The following YY1AP1 variants were observed in gnomAD, a reference collection of about 807,000 sequenced individuals.
The protein encoded by YY1AP1 is YY1-associated protein 1.
YY1AP1 carries 43 observed loss-of-function variants against 39.9 expected under a neutral mutation model. The ratio of observed to expected loss-of-function variants is 1.08; its 90% CI spans 0.84 to 1.39. The LOEUF (loss-of-function observed/expected upper bound fraction) is 1.39, where lower values mean the gene tolerates loss of function less well. Among genes scored for constraint, YY1AP1 ranks in the 40% most tolerant of loss-of-function variants. YY1AP1 has a pLI of 0.00. For missense variants in YY1AP1, 813 were observed against 900.7 expected (o/e 0.90, Z 1.25); for synonymous variants, 292 against 331.3 (o/e 0.88, Z 1.29).
intron 9 of YY1AP1, among the ~76,000 whole-genome samples, chr1:155,666,214 C>T (rs1458818735): frequency 3.3e-5 from 5 of 152,052 alleles, no homozygotes; most frequent in South Asian, 2.1e-4. Context: ...CTCCACCTCC[C>T]GGGTTCACAC....
chr1:155,665,107 C>A (rs1269720748), intron 9 of YY1AP1, among the ~76,000 whole-genome samples: 1 of 151,850 alleles, frequency 6.6e-6, no homozygotes, highest in Non-Finnish European at 1.5e-5. Flanking sequence ...CCTTCCCAAG[C>A]ACTCTCCCTC....
chr1:155,675,100 G>T lies in YY1AP1; in HGVS notation c.325-4C>A. 3 of 1,612,754 alleles carry T rather than the reference G, an allele frequency of 1.9e-6. No individual in the cohort carries two copies. The highest frequency in any genetic ancestry group is 2.5e-6 in the Non-Finnish European group (3 of 1,179,170). Reference sequence around the variant, plus strand: ...TTTGTGTCAAGAGCTGAACATGCTGGGGAGAGAAAGAAAATAATGCAGTGA... The same window carrying T: ...TTTGTGTCAAGAGCTGAACATGCTGTGGAGAGAAAGAAAATAATGCAGTGA... On this transcript the variant is annotated splice_region_variant and splice_polypyrimidine_tract_variant and intron_variant, in intron 5 of 10. Transcript: ENST00000355499.
In YY1AP1 at chr1:155,688,656, T is replaced by C. The variant is rs1653111061; in HGVS notation, c.-152+3A>G. 4 of 1,533,534 alleles carry C rather than the reference T, an allele frequency of 2.6e-6. No homozygotes were observed. The highest frequency in any genetic ancestry group is 3.5e-6 in the Non-Finnish European group (4 of 1,146,260). 95.0% of individuals were successfully genotyped at this position (1,533,534 alleles called of 1,614,324 possible). ...CGGCTCCAGCGCAGGCCCTCACGCG[T>C]ACCTTCAGCGGCGCGAGCCCAAGCC... On this transcript the variant is annotated splice_donor_region_variant and intron_variant, in intron 1 of 10. Coordinates refer to ENST00000355499, the MANE Select transcript of YY1AP1 (RefSeq NM_139119.3).
intron 9 of YY1AP1, among the ~76,000 whole-genome samples, chr1:155,665,809 A>AG (rs1553305143): frequency 0.031 from 4,487 of 144,926 alleles, 334 homozygotes; most frequent in African/African-American, 0.12. Flanking sequence ...AAAAAAAAAA[A>AG]GTAATGCAAA....
At chr1:155,671,427 T>A (rs1226293533) in intron 7 of YY1AP1, among the ~76,000 whole-genome samples, 10 of 149,996 alleles carry the variant, frequency 6.7e-5, no homozygotes, top group Admixed American at 2.7e-4. Context: ...CGAGACTCCA[T>A]CTTAAAAAAA....
intron 9 of YY1AP1, among the ~76,000 whole-genome samples, chr1:155,664,259 G>A (rs2149029377): frequency 6.6e-6 from 1 of 152,164 alleles, no homozygotes; most frequent in East Asian, 1.9e-4. Context: ...CAGTGACAGA[G>A]GAGAGTATTA....
chr1:155,678,398 A>T (rs1303874733), intron 4 of YY1AP1, among the ~76,000 whole-genome samples: 1 of 152,242 alleles, frequency 6.6e-6, no homozygotes, highest in Non-Finnish European at 1.5e-5. Flanking sequence ...AATTAGTTCT[A>T]TATTTTCCAA....
Position 155,659,788 on chromosome 1 carries a change from C to T in YY1AP1, c.2122G>A (p.Gly708Arg). The T allele has an allele frequency of 6.2e-7, 1 of 1,614,206 alleles. No homozygotes were observed. The highest frequency in any genetic ancestry group is 8.5e-7 in the Non-Finnish European group (1 of 1,180,032). The change falls in exon 11 of 11, where the codon GGA (glycine) becomes AGA (arginine). Residue 708 changes from glycine (G) to arginine (R), a missense_variant. Around this residue, in one of 3 missense-constraint regions of YY1AP1, gnomAD observed 586 missense variants for 647.4 expected, o/e 0.91. Transcript: ENST00000355499. ...GGGAGCGGCTCCAGAGCTTGCCTTC[C>T]CTCCTCTGTTTTCACAACGGTCCAG... ...YRWTVVKTEE[G>R]RQALEPLPQG...
chr1:155,678,505 T>C (rs182769187), intron 4 of YY1AP1, among the ~76,000 whole-genome samples: 2 of 152,366 alleles, frequency 1.3e-5, no homozygotes, highest in Admixed American at 1.3e-4. Flanking sequence ...CATTCTGCTA[T>C]ACCAGAATTT....
chr1:155,679,125 T>C (rs1021387872), intron 4 of YY1AP1: 3 of 1,340,958 alleles, frequency 2.2e-6, no homozygotes, highest in South Asian at 2.7e-5. Flanking sequence ...GCTGGCCACA[T>C]TGAGTCCTAC....
chr1:155,662,009 A>G (rs1264055013), intron 9 of YY1AP1, among the ~76,000 whole-genome samples: 1 of 152,122 alleles, frequency 6.6e-6, no homozygotes, highest in Non-Finnish European at 1.5e-5. Flanking sequence ...GGAAGGGGAG[A>G]GTTTAGGTCA....
intron 9 of YY1AP1, among the ~76,000 whole-genome samples, chr1:155,663,310 G>A (rs938827842): frequency 3.3e-5 from 5 of 150,502 alleles, no homozygotes; most frequent in Non-Finnish European, 5.9e-5. Context: ...GGTGGAGAGT[G>A]CAGTGGGCCG....
In YY1AP1 at chr1:155,660,549, A is replaced by G. The variant is rs1449532989; in HGVS notation, c.1361T>C (p.Ile454Thr). Reference sequence around the variant, plus strand: ...TGTCTGTAAAACAGTGGCTGGCTGTATTGGGTGAGGAATCCGGAGCACCAT... The same window carrying G: ...TGTCTGTAAAACAGTGGCTGGCTGTGTTGGGTGAGGAATCCGGAGCACCAT... ...SKMVLRIPHPIQPATVLQTVP... is the reference protein window; with the variant it reads ...SKMVLRIPHPTQPATVLQTVP... The change falls in exon 11 of 11, where the codon ATA (isoleucine) becomes ACA (threonine). Residue 454 changes from isoleucine (I) to threonine (T), a missense_variant. Coordinates refer to ENST00000355499, the MANE Select transcript of YY1AP1 (RefSeq NM_139119.3). The G allele has an allele frequency of 1.2e-6, 2 of 1,614,096 alleles. No individual in the cohort carries two copies. The highest frequency in any genetic ancestry group is 1.6e-4 in the Middle Eastern group (1 of 6,062).
chr1:155,667,088 A>T (rs1186686079), intron 9 of YY1AP1, among the ~76,000 whole-genome samples: 1 of 152,374 alleles, frequency 6.6e-6, no homozygotes, highest in East Asian at 1.9e-4. Flanking sequence ...TGGGAGGCTG[A>T]CGTTGGAAGA....
intron 9 of YY1AP1, among the ~76,000 whole-genome samples, chr1:155,663,320 G>A (rs1163470014): frequency 2.1e-5 from 3 of 139,816 alleles, no homozygotes; most frequent in African/African-American, 8.1e-5. Flanking sequence ...GCAGTGGGCC[G>A]ACATCACGCC....
chr1:155,670,682 T>C, intron 7 of YY1AP1: 1 of 483,866 alleles, frequency 2.1e-6, no homozygotes, highest in East Asian at 4.0e-5. Context: ...TGACTTTTTT[T>C]TTTTTTTTTT....
chr1:155,663,137 C>G (rs1648420804), intron 9 of YY1AP1, among the ~76,000 whole-genome samples: 1 of 151,910 alleles, frequency 6.6e-6, no homozygotes, highest in South Asian at 2.1e-4. Context: ...CTTTGGGAGG[C>G]CGAGGCAGGC....
upstream of YY1AP1, chr1:155,688,968 C>T (rs1653225656): frequency 3.7e-6 from 6 of 1,610,142 alleles, no homozygotes; most frequent in Non-Finnish European, 5.1e-6. Context: ...GGCTCGCCTC[C>T]TCCTCCATGG....
At chr1:155,677,475 G>A (rs1168026575) in intron 4 of YY1AP1, among the ~76,000 whole-genome samples, 1 of 152,064 alleles carries the variant, frequency 6.6e-6, no homozygotes, top group Non-Finnish European at 1.5e-5. Flanking sequence ...GAAATAAAGG[G>A]AGAATAATAT....
Sources: gnomAD v4.1 joint callset for allele counts (sites outside exome capture counted in the v4.1 genomes callset) on GRCh38, gnomAD v4.1.1 for gene constraint, gnomAD v4.1.1 regional missense constraint, MANE v1.5 for transcripts, NCBI Gene and HGNC (gene_info 2026-07-23, HGNC 2026-07-21) for gene names.